LARGE1: variants seen among roughly 807,000 people sequenced by gnomAD.
LARGE1 encodes LARGE xylosyl- and glucuronyltransferase 1, also known as xylosyl- and glucuronyltransferase LARGE1.
LARGE1 carries 43 observed loss-of-function variants against 87.6 expected under a neutral mutation model. The observed-to-expected ratio is 0.49, with a 90% confidence interval of 0.38 to 0.63. The LOEUF is 0.63. LARGE1 is among the 30% of genes least tolerant of loss of function. The probability of loss-of-function intolerance (pLI) is 0.00; values close to 1 mark genes in which losing one functional copy is unlikely to be tolerated. For synonymous variants in LARGE1, 434 were observed against 394.6 expected, an observed-to-expected ratio of 1.10 and a Z score of -1.18; for missense variants, 802 against 1,000.2, an observed-to-expected ratio of 0.80 and a Z score of 2.67.
chr22:33,590,589 A>G (rs2078807899), intron 5 of LARGE1, among the ~76,000 whole-genome samples: 2 of 152,184 alleles, frequency 1.3e-5, no homozygotes, highest in Non-Finnish European at 1.5e-5. Context: ...TCTGGCTCCT[A>G]TTAACTCTGT....
chr22:33,440,652 T>C (rs1017741456), intron 6 of LARGE1, among the ~76,000 whole-genome samples: 7 of 152,196 alleles, frequency 4.6e-5, no homozygotes, highest in African/African-American at 1.7e-4. Context: ...AATATCATAT[T>C]ACCGTTTACT....
the LARGE1 span, among the ~76,000 whole-genome samples, chr22:33,070,386 T>A: frequency 1.3e-5 from 2 of 152,318 alleles, no homozygotes; most frequent in Admixed American, 1.3e-4. Context: ...TCAGGCAATG[T>A]CTAGGGATAT....
chr22:33,760,277 A>G (rs1404106073), intron 2 of LARGE1, among the ~76,000 whole-genome samples: 1 of 152,124 alleles, frequency 6.6e-6, no homozygotes. Flanking sequence ...CAGGCAAAAC[A>G]TTGCACTGTA....
intron 11 of LARGE1, among the ~76,000 whole-genome samples, chr22:33,193,142 TAA>T (rs1923876592): frequency 6.6e-6 from 1 of 151,966 alleles, no homozygotes; most frequent in Non-Finnish European, 1.5e-5. Flanking sequence ...GAAAAAAGAA[TAA>T]AGAGGGAGAG....
chr22:33,320,457 A>G (rs1936599896), intron 10 of LARGE1, among the ~76,000 whole-genome samples: 1 of 152,190 alleles, frequency 6.6e-6, no homozygotes. Context: ...AAGAGCACTC[A>G]GTTCGTAACT....
At chr22:33,406,677 G>A (rs1254173344) in intron 7 of LARGE1, among the ~76,000 whole-genome samples, 1 of 152,212 alleles carries the variant, frequency 6.6e-6, no homozygotes, top group Non-Finnish European at 1.5e-5. Flanking sequence ...CATGCCCAGG[G>A]CTGTGTGGTG....
intron 9 of LARGE1, among the ~76,000 whole-genome samples, chr22:33,347,218 C>T (rs1939866466): frequency 6.6e-6 from 1 of 152,216 alleles, no homozygotes; most frequent in Non-Finnish European, 1.5e-5. Flanking sequence ...CAGGCTCTTG[C>T]AGGTAGCTCT....
intron 1 of LARGE1, among the ~76,000 whole-genome samples, chr22:33,843,541 T>C (rs1254252375): frequency 6.6e-6 from 1 of 151,788 alleles, no homozygotes; most frequent in Non-Finnish European, 1.5e-5. Context: ...AGATCCAAAA[T>C]GCATATGGGG....
rs564431134 is a variant in LARGE1 at position 33,484,143 on chromosome 22, A to C, written c.788-51878T>G. Among the ~76,000 whole-genome samples, 30 of 152,260 alleles carry C rather than the reference A, an allele frequency of 2.0e-4. 1 individual carries two copies. In the South Asian group the frequency reaches 6.0e-3, roughly 31 times the overall value. On this transcript the variant is annotated intron_variant, in intron 6 of 14. Coordinates refer to ENST00000397394, the MANE Select transcript of LARGE1 (RefSeq NM_133642.5). The stretch of plus-strand genomic sequence containing the variant: ...TGGGACAACAGACACCTTGGGGAAG[A>C]GTTTGATGTTCCTGGGTTTAAAAAA...
At chr22:33,422,929 T>A (rs1402439952) in intron 7 of LARGE1, among the ~76,000 whole-genome samples, 1 of 152,152 alleles carries the variant, frequency 6.6e-6, no homozygotes, top group Non-Finnish European at 1.5e-5. Flanking sequence ...AACATGAGAT[T>A]TGGGCAGGGA....
chr22:33,642,831 CA>C (rs748839377), intron 3 of LARGE1, among the ~76,000 whole-genome samples: 14 of 150,450 alleles, frequency 9.3e-5, no homozygotes, highest in Non-Finnish European at 1.8e-4. Flanking sequence ...GTAAAGGGAT[CA>C]ATGTAACATG....
In LARGE1 at chr22:33,551,993, C is replaced by CAAAA. The variant is rs10674621; in HGVS notation, c.787+12851_787+12854dup. Among the ~76,000 whole-genome samples, 81 of 72,604 alleles carry CAAAA rather than the reference C, an allele frequency of 1.1e-3. 1 individual carries two copies. Among genetic ancestry groups the CAAAA allele is most frequent in the African/African-American group, 2.0e-3 (34 of 17,170 alleles). The allele number at this position is 72,604 out of a possible 152,430, so 47.6% of individuals were successfully genotyped here. On this transcript the variant is annotated intron_variant, in intron 6 of 14. Coordinates refer to ENST00000397394, the MANE Select transcript of LARGE1 (RefSeq NM_133642.5). ...TGGGCGACAGAGCAAGGCTCCGTCTCAAAAAAAAAAAAAAAAAAAAAAGTG... is the reference window on the plus strand; with the variant it reads ...TGGGCGACAGAGCAAGGCTCCGTCTCAAAAAAAAAAAAAAAAAAAAAAAAAAGTG...
At chr22:33,328,617 CAAAT>C (rs1448240358) in intron 10 of LARGE1, among the ~76,000 whole-genome samples, 1 of 150,308 alleles carries the variant, frequency 6.7e-6, no homozygotes, top group Admixed American at 6.6e-5. Context: ...TAAAATAAAA[CAAAT>C]AAATAATAAA....
chr22:33,423,446 G>A (rs1384292849), intron 7 of LARGE1, among the ~76,000 whole-genome samples: 2 of 151,982 alleles, frequency 1.3e-5, no homozygotes, highest in African/African-American at 4.8e-5. Flanking sequence ...GGAGGCTGAG[G>A]TGGGCGGATC....
chr22:33,883,725 C>T (rs2064765448), intron 1 of LARGE1, among the ~76,000 whole-genome samples: 1 of 152,186 alleles, frequency 6.6e-6, no homozygotes, highest in African/African-American at 2.4e-5. Flanking sequence ...CGGCTCTTTC[C>T]CCAGAAAGCC....
chr22:33,704,621 T>C (rs1434212206), intron 2 of LARGE1, among the ~76,000 whole-genome samples: 1 of 152,192 alleles, frequency 6.6e-6, no homozygotes, highest in African/African-American at 2.4e-5. Flanking sequence ...ATAATCCACC[T>C]ACACATGGTC....
At chr22:33,717,513 T>C (rs982035760) in intron 2 of LARGE1, among the ~76,000 whole-genome samples, 45 of 152,274 alleles carry the variant, frequency 3.0e-4, no homozygotes, top group African/African-American at 1.0e-3. Flanking sequence ...GGGGTCAGAT[T>C]ATAATCTTGG....
chr22:33,427,515 A>C (rs1199711309), intron 7 of LARGE1, among the ~76,000 whole-genome samples: 4 of 152,184 alleles, frequency 2.6e-5, no homozygotes, highest in South Asian at 4.1e-4. Context: ...TAGGGGGAAA[A>C]GTCTAGTTTA....
At chr22:33,371,899 T>G (rs566192023) in intron 9 of LARGE1, among the ~76,000 whole-genome samples, 1 of 151,730 alleles carries the variant, frequency 6.6e-6, no homozygotes, top group South Asian at 2.1e-4. Flanking sequence ...CAGGAGAATG[T>G]TGTGAATGTG....
Sources: allele counts gnomAD v4.1 joint callset (sites outside exome capture counted in the v4.1 genomes callset), GRCh38; gene constraint gnomAD v4.1.1; transcripts MANE v1.5; gene names NCBI Gene and HGNC (gene_info 2026-07-23, HGNC 2026-07-21).